ZNF12: variants seen among roughly 807,000 people sequenced by gnomAD.
ZNF12 encodes the protein gonadotropin inducible transcription repressor 3.
In ZNF12, 34 loss-of-function variants were observed where a neutral mutation model predicts 66.6. The observed-to-expected ratio is 0.51, with a 90% CI of 0.39 to 0.68. The LOEUF is 0.68. Among genes scored for constraint, ZNF12 ranks in the 30% least tolerant of loss-of-function variants. ZNF12 has a pLI of 0.00. For missense variants in ZNF12, 697 were observed against 826.9 expected (o/e 0.84, Z 1.93); for synonymous variants, 320 against 278.9 (o/e 1.15, Z -1.47).
At chr7:6,693,741 C>A (rs1490670265) in intron 4 of ZNF12, among the ~76,000 whole-genome samples, 1 of 152,206 alleles carries the variant, frequency 6.6e-6, no homozygotes, top group African/African-American at 2.4e-5. Context: ...ATAAGCTTAG[C>A]AATTATTCTT....
Position 6,688,574 on chromosome 7 carries a change from A to T in ZNF12, c.*2274T>A, listed in dbSNP as rs1251739271. ...GTTCCTACACAAAACTATACAACTT[A>T]CCAGATGTAATTCCTGTTACGTACC... On this transcript the variant is annotated 3_prime_UTR_variant, in exon 5 of 5. Coordinates refer to ENST00000405858, the MANE Select transcript of ZNF12 (RefSeq NM_016265.4). The surrounding 1 kb of genome is among the most constrained non-coding windows in gnomAD (Gnocchi z 4.3). 1.3e-5 allele frequency: 2 copies of T among 152,230 alleles called. No homozygotes were observed. The highest frequency in any genetic ancestry group is 1.5e-5 in the Non-Finnish European group (1 of 68,038). The allele number at this position is 152,230 out of a possible 1,614,324, so 9.4% of individuals were successfully genotyped here.
In ZNF12 at chr7:6,698,133, C is replaced by A; in HGVS notation, c.16-322G>T. ...CAGGCCTGGGGACACTCACAGAACC[C>A]CAGGATGCACTCTGCTTCTTTGCAC... On this transcript the variant is annotated intron_variant, in intron 2 of 4. Coordinates refer to ENST00000405858, the MANE Select transcript of ZNF12 (RefSeq NM_016265.4). The surrounding 1 kb of genome is among the most constrained non-coding windows in gnomAD (Gnocchi z 4.4). 1 of 524,964 alleles carries A rather than the reference C, an allele frequency of 1.9e-6. No individual in the cohort carries two copies. Among genetic ancestry groups the A allele is most frequent in the Non-Finnish European group, 3.6e-6 (1 of 276,610 alleles). The allele number at this position is 524,964 out of a possible 1,614,324, so 32.5% of individuals were successfully genotyped here. A position where few individuals can be genotyped will look rare whatever the true frequency, so the allele number is the denominator to read the frequency against.
Position 6,698,105 on chromosome 7 carries a change from G to A in ZNF12, c.16-294C>T. The A allele has an allele frequency of 1.7e-6, 1 of 588,368 alleles. No individual in the cohort carries two copies. Among genetic ancestry groups the A allele is most frequent in the Non-Finnish European group, 3.2e-6 (1 of 310,372 alleles). 36.4% of individuals were successfully genotyped at this position (588,368 alleles called of 1,614,324 possible). On this transcript the variant is annotated intron_variant, in intron 2 of 4. Coordinates refer to ENST00000405858, the MANE Select transcript of ZNF12 (RefSeq NM_016265.4). The surrounding 1 kb of genome is among the most constrained non-coding windows in gnomAD (Gnocchi z 4.4). ...CAGGGACGAATCTCACCCCTGAGGA[G>A]CACAGGCCTGGGGACACTCACAGAA...
chr7:6,690,827 G>C lies in ZNF12; in HGVS notation c.*21C>G, dbSNP rs754218311. 6.3e-7 allele frequency: 1 copy of C among 1,576,262 alleles called. No individual in the cohort carries two copies. Among genetic ancestry groups the C allele is most frequent in the South Asian group, 1.2e-5 (1 of 84,704 alleles). ...ATTCACTATACTGAAAGGGTTCTCT[G>C]ATATAAAATGAGGTCTGACTTCAGA... On this transcript the variant is annotated 3_prime_UTR_variant, in exon 5 of 5. Coordinates refer to ENST00000405858, the MANE Select transcript of ZNF12 (RefSeq NM_016265.4).
chr7:6,705,259 C>T lies in ZNF12; in HGVS notation c.-50-36G>A, dbSNP rs771101418. 17 of 1,560,362 alleles carry T rather than the reference C, an allele frequency of 1.1e-5. No homozygotes were observed. The highest frequency in any genetic ancestry group is 2.3e-5 in the East Asian group (1 of 44,380). On this transcript the variant is annotated intron_variant, in intron 1 of 4. Coordinates refer to ENST00000405858, the MANE Select transcript of ZNF12 (RefSeq NM_016265.4). The surrounding 1 kb of genome is among the most constrained non-coding windows in gnomAD (Gnocchi z 4.0). The stretch of plus-strand genomic sequence containing the variant: ...AAAACCCAAGCCATGGCGTTATGAG[C>T]GGTCTGGCCTGCCAAGGCGGTCATC...
Position 6,690,767 on chromosome 7 carries a change from T to C in ZNF12, c.*81A>G. The C allele has an allele frequency of 7.4e-7, 1 of 1,359,298 alleles. No individual in the cohort carries two copies. The allele number at this position is 1,359,298 out of a possible 1,614,324, so 84.2% of individuals were successfully genotyped here. A position where few individuals can be genotyped will look rare whatever the true frequency, so the allele number is the denominator to read the frequency against. On this transcript the variant is annotated 3_prime_UTR_variant, in exon 5 of 5. Transcript: ENST00000405858. The stretch of plus-strand genomic sequence containing the variant: ...ACACTAACCTGTGTGAACTCTCTGA[T>C]GTACAAGGTGTTTGACTTCAGGCAG...
Position 6,691,456 on chromosome 7 carries a change from T to G in ZNF12, c.1486A>C (p.Asn496His), listed in dbSNP as rs1372567266. 1.9e-6 allele frequency: 3 copies of G among 1,613,926 alleles called. No homozygotes were observed. The South Asian group carries it at 3.3e-5, about 18-fold the overall frequency. ...TGGGAGAATAACTTTCCACATTCAT[T>G]ACATTCGTAAGGTTTCTCTCCTGTG... ...VHTGEKPYEC[N>H]ECGKLFSQLS... Residue 496 changes from asparagine to histidine, a missense_variant, in exon 5 of 5, where the codon AAT becomes CAT. By Grantham distance (68) the Asn-to-His change is moderately conservative. This residue lies in a region of ZNF12 where 401 missense variants were observed against 519.0 expected (regional missense o/e 0.77). Coordinates refer to ENST00000405858, the MANE Select transcript of ZNF12 (RefSeq NM_016265.4).
chr7:6,692,783 A>C lies in ZNF12; in HGVS notation c.239-80T>G. 1 of 1,352,776 alleles carries C rather than the reference A, an allele frequency of 7.4e-7. No individual in the cohort carries two copies. The highest frequency in any genetic ancestry group is 1.5e-5 in the South Asian group (1 of 65,686). 83.8% of individuals were successfully genotyped at this position (1,352,776 alleles called of 1,614,324 possible). ...ATGGAATGAGATTCATGATTTGTAC[A>C]CACGCATCTCATTGTGAGTAGATGC... On this transcript the variant is annotated intron_variant, in intron 4 of 4. Transcript: ENST00000405858. The surrounding 1 kb of genome is among the most constrained non-coding windows in gnomAD (Gnocchi z 5.1).
chr7:6,700,011 C>T (rs1046067914), intron 2 of ZNF12, among the ~76,000 whole-genome samples: 5 of 151,754 alleles, frequency 3.3e-5, no homozygotes, highest in African/African-American at 9.7e-5. Context: ...GACGGCCGGG[C>T]GTGGTGGCTC....
chr7:6,695,037 C>T (rs556604284), intron 4 of ZNF12, among the ~76,000 whole-genome samples: 1 of 152,318 alleles, frequency 6.6e-6, no homozygotes, highest in East Asian at 1.9e-4. Flanking sequence ...GATTCTTCTG[C>T]CTCAGCCTCC....
chr7:6,694,810 C>A (rs1269042732), intron 4 of ZNF12, among the ~76,000 whole-genome samples: 2 of 152,060 alleles, frequency 1.3e-5, no homozygotes, highest in South Asian at 4.2e-4. Flanking sequence ...ATTCCATTTC[C>A]CCTTGAAGTT....
At chr7:6,704,312 C>T (rs540601525) in intron 2 of ZNF12, 3 of 145,944 alleles carry the variant, frequency 2.1e-5, no homozygotes, top group African/African-American at 7.6e-5. Flanking sequence ...GAGACTCCAT[C>T]TTTAAAAAAA....
rs760552645 is a variant in ZNF12 at position 6,691,492 on chromosome 7, G to T, written c.1450C>A (p.Gln484Lys). Residue 484 changes from glutamine to lysine, a missense_variant, in exon 5 of 5, where the codon CAG (glutamine) becomes AAG (lysine). Transcript: ENST00000405858. ...FYLNSALMRH[Q>K]RVHTGEKPYE... ...GGTTTCTCTCCTGTGTGCACTCTCT[G>T]ATGTCTCATGAGGGCTGAATTCAGG... 5 of 1,614,046 alleles carry T rather than the reference G, an allele frequency of 3.1e-6. No homozygotes were observed. In the South Asian group the frequency reaches 4.4e-5, roughly 14 times the overall value.
intron 2 of ZNF12, among the ~76,000 whole-genome samples, chr7:6,701,801 C>T (rs1780247345): frequency 6.6e-6 from 1 of 152,092 alleles, no homozygotes; most frequent in South Asian, 2.1e-4. Context: ...ATTCTCACTC[C>T]ATGGGCAACA....
chr7:6,692,181 G>A lies in ZNF12; in HGVS notation c.761C>T (p.Ser254Leu), dbSNP rs1371910138. Residue 254 changes from serine (S) to leucine (L), a missense_variant, in exon 5 of 5, where the codon TCG becomes TTG. Physicochemically the swap from Ser to Leu is moderately radical, Grantham distance 145. This residue lies in a region of ZNF12 where 241 missense variants were observed against 224.0 expected (regional missense o/e 1.08). Coordinates refer to ENST00000405858, the MANE Select transcript of ZNF12 (RefSeq NM_016265.4). The surrounding 1 kb of genome is among the most constrained non-coding windows in gnomAD (Gnocchi z 5.1). ...AGATGTCTGATGTACAGTGAGGTCC[G>A]ACATCTGGAGAAAGGCTATTTCAGA... ...NGSEIAFLQM[S>L]DLTVHQTSHM... The A allele has an allele frequency of 1.3e-5, 21 of 1,613,968 alleles. No homozygotes were observed. The highest frequency in any genetic ancestry group is 1.5e-5 in the Non-Finnish European group (18 of 1,179,958).
rs543510016 is a variant in ZNF12, at chr7:6,691,656, C to T, written c.1286G>A (p.Arg429Lys). ...CRKSTLTTHL[R>K]THTGEKPYEC... Reference sequence around the variant, plus strand: ...ATACGGTTTCTCTCCTGTGTGGGTCCTCAGGTGGGTCGTGAGAGTAGACTT... The same window carrying T: ...ATACGGTTTCTCTCCTGTGTGGGTCTTCAGGTGGGTCGTGAGAGTAGACTT... Residue 429 changes from arginine to lysine, a missense_variant, in exon 5 of 5, where the codon AGG (arginine) becomes AAG (lysine). Arg to Lys is a conservative substitution (Grantham distance 26). Coordinates refer to ENST00000405858, the MANE Select transcript of ZNF12 (RefSeq NM_016265.4). 1.9e-6 allele frequency: 3 copies of T among 1,613,600 alleles called. No individual in the cohort carries two copies. The highest frequency in any genetic ancestry group is 1.3e-5 in the African/African-American group (1 of 74,876).
rs1469502098 is a variant in ZNF12 at position 6,692,405 on chromosome 7, C to A, written c.537G>T (p.Lys179Asn). 2 of 1,613,166 alleles carry A rather than the reference C, an allele frequency of 1.2e-6. No homozygotes were observed. The highest frequency in any genetic ancestry group is 1.7e-6 in the Non-Finnish European group (2 of 1,179,508). The change falls in exon 5 of 5, where the codon AAG (lysine) becomes AAT (asparagine). Residue 179 changes from lysine (K) to asparagine (N), a missense_variant. This residue lies in a region of ZNF12 where 241 missense variants were observed against 224.0 expected (regional missense o/e 1.08). Transcript: ENST00000405858. This position sits in a 1 kb window ranked among gnomAD's most constrained non-coding sequence, Gnocchi z 5.1. ...SGCGKSLLHI[K>N]LEKTHPGDQA... ...GATCTCCTGGATGAGTTTTCTCAAG[C>A]TTAATATGGAGGAGTGATTTCCCAC...
At position 6,697,776 on chromosome 7, in the gene ZNF12, G is replaced by A; in HGVS notation, c.51C>T (p.Phe17=). The change falls in exon 3 of 5, where the codon TTC becomes TTT. Residue 17 remains phenylalanine, a synonymous_variant. Coordinates refer to ENST00000405858, the MANE Select transcript of ZNF12 (RefSeq NM_016265.4). The surrounding 1 kb of genome is among the most constrained non-coding windows in gnomAD (Gnocchi z 6.1). ...PVSFKDVAVD[F]TQEEWQQLDP... is the part of the protein sequence containing the mutation. Reference sequence around the variant, plus strand: ...CCAGCTGCTGCCATTCCTCCTGGGTGAAGTCCACAGCCACGTCCTTGAATG... The same window carrying A: ...CCAGCTGCTGCCATTCCTCCTGGGTAAAGTCCACAGCCACGTCCTTGAATG... 1.9e-6 allele frequency: 3 copies of A among 1,614,196 alleles called. No homozygotes were observed. Among genetic ancestry groups the A allele is most frequent in the Non-Finnish European group, 2.5e-6 (3 of 1,180,034 alleles).
rs1368946874 is a variant in ZNF12, at chr7:6,698,946, G to T, written c.16-1135C>A. On this transcript the variant is annotated intron_variant, in intron 2 of 4. Coordinates refer to ENST00000405858, the MANE Select transcript of ZNF12 (RefSeq NM_016265.4). This position sits in a 1 kb window ranked among gnomAD's most constrained non-coding sequence, Gnocchi z 4.4. Reference sequence around the variant, plus strand: ...TGGACTAATCCACGAAAAGCACTTAGCATAGTTTTTTGGATAAAACACATA... The same window carrying T: ...TGGACTAATCCACGAAAAGCACTTATCATAGTTTTTTGGATAAAACACATA... Among the ~76,000 whole-genome samples the T allele has an allele frequency of 6.6e-6, 1 of 152,172 alleles. No individual in the cohort carries two copies. The highest frequency in any genetic ancestry group is 1.5e-5 in the Non-Finnish European group (1 of 68,030).
Sources: allele counts gnomAD v4.1 joint callset (sites outside exome capture counted in the v4.1 genomes callset), GRCh38; gene constraint gnomAD v4.1.1; regional missense constraint gnomAD v4.1.1; non-coding constraint Gnocchi (gnomAD v3.1); transcripts MANE v1.5; gene names NCBI Gene and HGNC (gene_info 2026-07-23, HGNC 2026-07-21).